Variants in ITGA8 observed in about 807,000 individuals in gnomAD.
ITGA8 encodes integrin alpha-8.
In ITGA8, 91 loss-of-function variants were observed where a neutral mutation model predicts 142.3. The observed-to-expected ratio is 0.64, with a 90% CI of 0.54 to 0.76. The LOEUF (loss-of-function observed/expected upper bound fraction) is 0.76. ITGA8 is among the 30% of genes least tolerant of loss of function. The pLI, the probability that ITGA8 is intolerant of heterozygous loss-of-function variation, is 0.00. For synonymous variants in ITGA8, 505 were observed against 485.2 expected, an observed-to-expected ratio of 1.04 and a Z score of -0.54; for missense variants, 1,406 against 1,327.7, an observed-to-expected ratio of 1.06 and a Z score of -0.92.
At chr10:15,522,341 T>G (rs1833087497) in intron 28 of ITGA8, among the ~76,000 whole-genome samples, 1 of 152,222 alleles carries the variant, frequency 6.6e-6, no homozygotes, top group South Asian at 2.1e-4. Context: ...ATGACATGTA[T>G]GAAATTACTG....
At chr10:15,597,493 A>T (rs1041050796) in intron 20 of ITGA8, among the ~76,000 whole-genome samples, 194 bp from the exon 21 acceptor site, 19 of 152,292 alleles carry the variant, frequency 1.2e-4, no homozygotes, top group African/African-American at 4.3e-4. Flanking sequence ...TTTAGAAATA[A>T]ATGTGTTGGG....
chr10:15,537,305 T>C (rs1282174909), intron 27 of ITGA8, among the ~76,000 whole-genome samples: 1 of 152,202 alleles, frequency 6.6e-6, no homozygotes, highest in Non-Finnish European at 1.5e-5. Flanking sequence ...AACGCATTCC[T>C]CTTTAGGATT....
At chr10:15,664,850 C>T (rs1430703224) in intron 8 of ITGA8, among the ~76,000 whole-genome samples, 1 of 152,054 alleles carries the variant, frequency 6.6e-6, no homozygotes, top group Admixed American at 6.6e-5. Context: ...ATGAACTCAT[C>T]CTTTTTATGG....
intron 13 of ITGA8, among the ~76,000 whole-genome samples, chr10:15,643,762 G>A (rs1044033770): frequency 1.1e-4 from 16 of 152,244 alleles, no homozygotes; most frequent in Non-Finnish European, 2.1e-4. Context: ...CTTGGGTTGT[G>A]AAGTTGACAA....
intron 21 of ITGA8, among the ~76,000 whole-genome samples, chr10:15,593,563 CA>C (rs887959392): frequency 1.3e-5 from 2 of 152,192 alleles, no homozygotes; most frequent in African/African-American, 4.8e-5. Context: ...GTATCAGAAT[CA>C]AACCATTAAC....
In ITGA8 at chr10:15,589,430, G is replaced by A. The variant is rs111527721; in HGVS notation, c.2292-2766C>T. The stretch of plus-strand genomic sequence containing the variant: ...AAAATGTTTATGTCGTGTAGAGTGA[G>A]GGCATGGAGAGACCGCTTAATGCAA... On this transcript the variant is annotated intron_variant, in intron 22 of 29. Coordinates refer to ENST00000378076, the MANE Select transcript of ITGA8 (RefSeq NM_003638.3). Among the ~76,000 whole-genome samples the A allele has an allele frequency of 3.9e-3, 590 of 152,158 alleles. 6 individuals carry two copies. Among genetic ancestry groups the A allele is most frequent in the African/African-American group, 0.014 (568 of 41,522 alleles).
rs1350875891 is a variant in ITGA8, at chr10:15,607,657, A to T, written c.1764+20T>A. 1 of 1,610,858 alleles carries T rather than the reference A, an allele frequency of 6.2e-7. No homozygotes were observed. The highest frequency in any genetic ancestry group is 1.1e-5 in the South Asian group (1 of 90,976). ...GGATATGAAGGAGAGAGGCCAGAGAAGTCTTTCTGGAATACTTACTCGAAG... is the reference window on the plus strand; with the variant it reads ...GGATATGAAGGAGAGAGGCCAGAGATGTCTTTCTGGAATACTTACTCGAAG... On this transcript the variant is annotated intron_variant, in intron 17 of 29. Coordinates refer to ENST00000378076, the MANE Select transcript of ITGA8 (RefSeq NM_003638.3).
chr10:15,537,674 A>G (rs1833475209), intron 27 of ITGA8, among the ~76,000 whole-genome samples: 1 of 152,182 alleles, frequency 6.6e-6, no homozygotes, highest in African/African-American at 2.4e-5. Flanking sequence ...TAGTGTCATA[A>G]TGATAGGAGT....
chr10:15,551,581 G>T (rs1158306659), intron 26 of ITGA8, among the ~76,000 whole-genome samples: 1 of 150,576 alleles, frequency 6.6e-6, no homozygotes, highest in Non-Finnish European at 1.5e-5. Context: ...GAAAGGGAAG[G>T]GTATTCTTAG....
At chr10:15,595,536 A>G in intron 21 of ITGA8, among the ~76,000 whole-genome samples, 1 of 152,218 alleles carries the variant, frequency 6.6e-6, no homozygotes, top group Non-Finnish European at 1.5e-5. Context: ...AAATGAATTG[A>G]CATACTTTCA....
At chr10:15,597,368 G>C in intron 20 of ITGA8, 69 bp from the exon 21 acceptor site, 1 of 1,298,300 alleles carries the variant, frequency 7.7e-7, no homozygotes, top group Non-Finnish European at 1.1e-6. Context: ...AGCCATGCTG[G>C]GGGCCTGGGA....
intron 2 of ITGA8, among the ~76,000 whole-genome samples, chr10:15,713,064 C>T (rs1265928761): frequency 9.9e-5 from 15 of 152,214 alleles, no homozygotes; most frequent in African/African-American, 3.1e-4. Flanking sequence ...CTAATTGCTT[C>T]CTCAGTTGCT....
At chr10:15,591,975 G>A (rs1588662845) in intron 22 of ITGA8, among the ~76,000 whole-genome samples, 1 of 152,180 alleles carries the variant, frequency 6.6e-6, no homozygotes. Context: ...AAGCAGGTGG[G>A]AGGGTGCCCA....
At position 15,517,053 on chromosome 10, in the gene ITGA8, G is replaced by C; in HGVS notation, c.*105C>G. The C allele has an allele frequency of 1.4e-6, 1 of 720,216 alleles. No homozygotes were observed. The highest frequency in any genetic ancestry group is 3.2e-5 in the Admixed American group (1 of 31,380). 44.6% of individuals were successfully genotyped at this position (720,216 alleles called of 1,614,324 possible). A position where few individuals can be genotyped will look rare whatever the true frequency, so the allele number is the denominator to read the frequency against. ...TTCCAGGGTCCCCTCCATTTCCTGG[G>C]TCACTGTCAGGTATCAGAAAGCTTT... On this transcript the variant is annotated 3_prime_UTR_variant, in exon 30 of 30. Coordinates refer to ENST00000378076, the MANE Select transcript of ITGA8 (RefSeq NM_003638.3).
chr10:15,709,290 C>T (rs899872270), intron 2 of ITGA8, among the ~76,000 whole-genome samples: 9 of 152,208 alleles, frequency 5.9e-5, no homozygotes, highest in Non-Finnish European at 1.2e-4. Context: ...AAACTTCTCA[C>T]TTTTCTCTGC....
At chr10:15,718,036 A>G (rs1835485752) in intron 2 of ITGA8, among the ~76,000 whole-genome samples, 1 of 152,276 alleles carries the variant, frequency 6.6e-6, no homozygotes, top group South Asian at 2.1e-4. Context: ...TTGAATTCAT[A>G]AAGTTTTGGT....
Position 15,561,765 on chromosome 10 carries a change from A to AT in ITGA8, c.2638-3564dup, listed in dbSNP as rs976572401. 7.2e-4 allele frequency among the ~76,000 whole-genome samples: 110 copies of AT among 152,284 alleles called. 1 individual carries two copies. The highest frequency in any genetic ancestry group is 2.6e-3 in the African/African-American group (108 of 41,572). On this transcript the variant is annotated intron_variant, in intron 25 of 29. Transcript: ENST00000378076. ...GGATGGAAGAGAGATGATTAGGGGC[A>AT]TGTGGAAGGGTGGGGTGGTGTATTA...
intron 22 of ITGA8, among the ~76,000 whole-genome samples, chr10:15,590,311 A>G (rs908799642): frequency 2.6e-5 from 4 of 152,232 alleles, no homozygotes; most frequent in African/African-American, 7.2e-5. Context: ...CATTATTTCA[A>G]TGATGATCTA....
chr10:15,619,575 A>G (rs1833452537), intron 13 of ITGA8, among the ~76,000 whole-genome samples: 1 of 152,236 alleles, frequency 6.6e-6, no homozygotes, highest in Non-Finnish European at 1.5e-5. Context: ...AAATCTCTGA[A>G]GCCAGATGCC....
Sources: gnomAD v4.1 joint callset for allele counts (sites outside exome capture counted in the v4.1 genomes callset) on GRCh38, gnomAD v4.1.1 for gene constraint, MANE v1.5 for transcripts, NCBI Gene and HGNC (gene_info 2026-07-23, HGNC 2026-07-21) for gene names.